UTS2B: variants seen among roughly 807,000 people sequenced by gnomAD.
The protein encoded by UTS2B is urotensin-2B.
In UTS2B, 21 loss-of-function variants were observed where a neutral mutation model predicts 19.2. The ratio of observed to expected loss-of-function variants is 1.09; its 90% CI spans 0.78 to 1.58. The LOEUF is 1.58. Ranked by LOEUF, UTS2B falls within the 40% of genes most tolerant of loss-of-function variation. The pLI is 0.00. For missense variants in UTS2B, 138 were observed against 130.3 expected (o/e 1.06, Z -0.29); for synonymous variants, 57 against 50.2 (o/e 1.14, Z -0.58).
intron 3 of UTS2B, among the ~76,000 whole-genome samples, chr3:191,314,878 T>C (rs1717403533): frequency 6.6e-6 from 1 of 152,154 alleles, no homozygotes; most frequent in African/African-American, 2.4e-5. Flanking sequence ...AGGGAGGGCA[T>C]GGAAATTTTG....
At position 191,329,942 on chromosome 3, in the gene UTS2B, TGG is replaced by T. The variant is rs34226642; in HGVS notation, c.-665+470_-665+471del. Among the ~76,000 whole-genome samples, 17,547 of 102,398 alleles carry T rather than the reference TGG, an allele frequency of 0.17. 1,396 individuals are homozygous for T. Among genetic ancestry groups the T allele is most frequent in the African/African-American group, 0.18 (6,131 of 33,152 alleles). The allele number at this position is 102,398 out of a possible 152,430, so 67.2% of individuals were successfully genotyped here. ...GCCCGTTTTTTCTCAAGGGGGTGGT[TGG>T]GGGGGGGGGGGGCTAGCAGCAGCCC... On this transcript the variant is annotated intron_variant, in intron 1 of 8. Transcript: ENST00000340524.
At chr3:191,271,200 C>CA (rs66756396) in intron 8 of UTS2B, among the ~76,000 whole-genome samples, 7,501 of 52,604 alleles carry the variant, frequency 0.14, 1,468 homozygotes, top group East Asian at 0.46. Flanking sequence ...GAGACTCTCT[C>CA]AAAAAAAAAA....
chr3:191,334,855 C>G (rs1311167076), upstream of UTS2B, among the ~76,000 whole-genome samples: 55 of 152,184 alleles, frequency 3.6e-4, no homozygotes, highest in Non-Finnish European at 1.5e-5. Context: ...GATAATGTAT[C>G]ATATGGATGC....
upstream of UTS2B, among the ~76,000 whole-genome samples, chr3:191,334,074 T>G (rs1469557425): frequency 6.6e-6 from 1 of 152,206 alleles, no homozygotes; most frequent in Non-Finnish European, 1.5e-5. Context: ...TAATTTTTTG[T>G]TCTAAGTACA....
intron 8 of UTS2B, among the ~76,000 whole-genome samples, chr3:191,271,674 C>T (rs1398951917): frequency 1.3e-5 from 2 of 152,182 alleles, no homozygotes; most frequent in African/African-American, 4.8e-5. Flanking sequence ...TTGGAATGAT[C>T]TGAGTCTCAG....
chr3:191,321,212 A>T (rs1160843934), intron 2 of UTS2B, among the ~76,000 whole-genome samples: 5 of 152,092 alleles, frequency 3.3e-5, no homozygotes, highest in African/African-American at 7.2e-5. Flanking sequence ...GAGGGGTGGG[A>T]GTGGTTAGTT....
intron 4 of UTS2B, among the ~76,000 whole-genome samples, chr3:191,293,864 G>A (rs913148700): frequency 1.3e-5 from 2 of 151,850 alleles, no homozygotes; most frequent in African/African-American, 2.4e-5. Context: ...TTGAGAAGCC[G>A]GGGGTGGGGG....
chr3:191,299,638 A>AT (rs1716941980), intron 4 of UTS2B, among the ~76,000 whole-genome samples: 1 of 152,234 alleles, frequency 6.6e-6, no homozygotes, highest in Non-Finnish European at 1.5e-5. Context: ...CCTCATGGAG[A>AT]ACCTCTACTA....
chr3:191,323,065 T>G (rs1242625188), intron 2 of UTS2B, among the ~76,000 whole-genome samples: 1 of 152,240 alleles, frequency 6.6e-6, no homozygotes, highest in East Asian at 1.9e-4. Flanking sequence ...GATGTCAGTC[T>G]TAGGAGAAGT....
the UTS2B span, among the ~76,000 whole-genome samples, chr3:191,341,876 C>T: frequency 5.9e-5 from 9 of 152,142 alleles, no homozygotes; most frequent in African/African-American, 1.7e-4. Flanking sequence ...GTCTGCTGTG[C>T]GGTCACCTTA....
chr3:191,304,394 G>T (rs533151098), intron 4 of UTS2B, 98 bp downstream of exon 4: 6 of 152,162 alleles, frequency 3.9e-5, no homozygotes, highest in African/African-American at 1.4e-4. Flanking sequence ...ATCCCAGTTC[G>T]CTAGAGAGGT....
At chr3:191,330,207 C>G (rs1294733202) in intron 1 of UTS2B, among the ~76,000 whole-genome samples, 3 of 152,102 alleles carry the variant, frequency 2.0e-5, no homozygotes, top group Non-Finnish European at 4.4e-5. Flanking sequence ...GGCTGGCTGA[C>G]TTTCCCACCT....
At chr3:191,310,848 AT>A (rs1397792709) in intron 3 of UTS2B, among the ~76,000 whole-genome samples, 2 of 152,192 alleles carry the variant, frequency 1.3e-5, no homozygotes, top group African/African-American at 4.8e-5. Context: ...ACTTCCCTAC[AT>A]CTCTTAAATA....
chr3:191,312,202 C>T (rs1359895889), intron 3 of UTS2B, among the ~76,000 whole-genome samples: 1 of 151,480 alleles, frequency 6.6e-6, no homozygotes, highest in African/African-American at 2.4e-5. Context: ...AACCCTTCAC[C>T]AACGCCAGGC....
chr3:191,318,167 C>T (rs1717517742), intron 2 of UTS2B, among the ~76,000 whole-genome samples: 1 of 152,208 alleles, frequency 6.6e-6, no homozygotes, highest in Non-Finnish European at 1.5e-5. Context: ...CATTTTCCTA[C>T]ATTCTGTTTT....
chr3:191,335,533 C>T, the UTS2B span, among the ~76,000 whole-genome samples: 6 of 152,114 alleles, frequency 3.9e-5, no homozygotes, highest in East Asian at 5.8e-4. Flanking sequence ...TAAAAACCAG[C>T]GCAAGAGTTC....
upstream of UTS2B, among the ~76,000 whole-genome samples, chr3:191,333,364 G>T (rs1332818807): frequency 6.6e-6 from 1 of 152,112 alleles, no homozygotes; most frequent in Non-Finnish European, 1.5e-5. Flanking sequence ...GACCTTCAAG[G>T]GGGAAAGATA....
chr3:191,340,395 G>A, the UTS2B span, among the ~76,000 whole-genome samples: 23,822 of 152,128 alleles, frequency 0.16, 2,795 homozygotes, highest in African/African-American at 0.33. Context: ...TGGAGATTTA[G>A]CAGAAAGCTT....
intron 2 of UTS2B, among the ~76,000 whole-genome samples, chr3:191,319,719 T>A (rs1717563872): frequency 8.4e-6 from 1 of 119,316 alleles, no homozygotes; most frequent in African/African-American, 2.9e-5. Flanking sequence ...AAAAAAAAAA[T>A]TAGCCAGGTG....
Sources: allele counts gnomAD v4.1 joint callset (sites outside exome capture counted in the v4.1 genomes callset), GRCh38; gene constraint gnomAD v4.1.1; transcripts MANE v1.5; gene names NCBI Gene and HGNC (gene_info 2026-07-23, HGNC 2026-07-21).